Variants in TSNARE1 observed in about 807,000 individuals in gnomAD.
TSNARE1 encodes t-SNARE domain-containing protein 1.
In TSNARE1, 49 loss-of-function variants were observed where a neutral mutation model predicts 62.0. The ratio of observed to expected loss-of-function variants is 0.79; its 90% CI spans 0.63 to 1.00. The LOEUF is 1.00. Ranked by LOEUF, TSNARE1 falls within the 50% of genes least tolerant of loss-of-function variation. The pLI is 0.00. For synonymous variants in TSNARE1, 328 were observed against 294.4 expected (o/e 1.11, Z -1.17); for missense variants, 755 against 700.1 (o/e 1.08, Z -0.88).
chr8:142,252,675 T>C (rs2130298304), intron 12 of TSNARE1, among the ~76,000 whole-genome samples: 1 of 152,336 alleles, frequency 6.6e-6, no homozygotes, highest in South Asian at 2.1e-4. Flanking sequence ...CATTTATCCT[T>C]CCCTGGAAGT....
chr8:142,344,266 C>A lies in TSNARE1; in HGVS notation c.445G>T (p.Gly149Cys), dbSNP rs1833043565. ...KVSKHHQLLF[G>C]TGLLKAEPTR... Reference sequence around the variant, plus strand: ...GGCTCGGCCTTCAGCAGCCCCGTGCCAAACAGCAGCTGGTGGTGCTTGCTC... The same window carrying A: ...GGCTCGGCCTTCAGCAGCCCCGTGCAAAACAGCAGCTGGTGGTGCTTGCTC... The change falls in exon 4 of 14, where the codon GGC (glycine) becomes TGC (cysteine). Residue 149 changes from glycine to cysteine, a missense_variant. By Grantham distance (159) the Gly-to-Cys change is radical. Coordinates refer to ENST00000524325, the MANE Select transcript of TSNARE1 (RefSeq NM_145003.5). The A allele has an allele frequency of 6.2e-7, 1 of 1,607,310 alleles. No individual in the cohort carries two copies.
intron 12 of TSNARE1, chr8:142,269,701 G>A: frequency 1.6e-5 from 16 of 985,356 alleles, no homozygotes; most frequent in Non-Finnish European, 1.9e-5. Context: ...TGGTGGGACT[G>A]AGGTCATCTG....
chr8:142,298,425 G>A (rs1825128021), intron 10 of TSNARE1, among the ~76,000 whole-genome samples: 1 of 152,026 alleles, frequency 6.6e-6, no homozygotes, highest in South Asian at 2.1e-4. Context: ...CCGGGCACGA[G>A]CCCTCACCAG....
intron 12 of TSNARE1, among the ~76,000 whole-genome samples, chr8:142,268,798 T>A (rs976521344): frequency 1.3e-5 from 2 of 152,122 alleles, no homozygotes; most frequent in Non-Finnish European, 2.9e-5. Flanking sequence ...CCTGCAGCCA[T>A]CCTGGGCCAT....
intron 10 of TSNARE1, among the ~76,000 whole-genome samples, chr8:142,286,750 G>A (rs1483043108): frequency 6.6e-6 from 1 of 152,154 alleles, no homozygotes; most frequent in Non-Finnish European, 1.5e-5. Flanking sequence ...ACCTCCACGG[G>A]CTTCCCAGTT....
At chr8:142,246,851 C>T (rs1817907056) in intron 12 of TSNARE1, among the ~76,000 whole-genome samples, 1 of 152,238 alleles carries the variant, frequency 6.6e-6, no homozygotes, top group South Asian at 2.1e-4. Flanking sequence ...TTAGCACCTG[C>T]TACACATCAG....
At chr8:142,271,239 T>G in intron 12 of TSNARE1, 2 of 1,009,408 alleles carry the variant, frequency 2.0e-6, no homozygotes, top group Admixed American at 5.9e-5. Flanking sequence ...GCTTCCCGGG[T>G]AGGGCGTGCT....
chr8:142,252,053 A>G lies in TSNARE1; in HGVS notation c.1447-22474T>C, dbSNP rs1322677782. ...CATGTACCCGCCGCCCACGTTCTCT[A>G]TCTGCAGGGCCCGGGCACCATGTAC... On this transcript the variant is annotated intron_variant, in intron 12 of 13. Transcript: ENST00000524325. Among the ~76,000 whole-genome samples the G allele has an allele frequency of 1.2e-3, 80 of 69,304 alleles. 1 individual carries two copies. Among genetic ancestry groups the G allele is most frequent in the Middle Eastern group, 0.014 (1 of 74 alleles). 45.5% of individuals were successfully genotyped at this position (69,304 alleles called of 152,430 possible). A position where few individuals can be genotyped will look rare whatever the true frequency, so the allele number is the denominator to read the frequency against.
chr8:142,265,546 C>T (rs556824538), intron 12 of TSNARE1, among the ~76,000 whole-genome samples: 32 of 152,248 alleles, frequency 2.1e-4, no homozygotes, highest in African/African-American at 6.3e-4. Flanking sequence ...GATAAAGACA[C>T]GATGAACATC....
chr8:142,248,360 C>T (rs1203247265), intron 12 of TSNARE1, among the ~76,000 whole-genome samples: 2 of 152,338 alleles, frequency 1.3e-5, no homozygotes, highest in African/African-American at 2.4e-5. Flanking sequence ...CCAGGATGCC[C>T]GCACAGCTCC....
At chr8:142,292,827 C>T (rs1824027099) in intron 10 of TSNARE1, among the ~76,000 whole-genome samples, 1 of 152,134 alleles carries the variant, frequency 6.6e-6, no homozygotes, top group Admixed American at 6.5e-5. Context: ...CAGCCCTATC[C>T]CAGACCAACG....
chr8:142,316,259 G>C (rs948411673), intron 7 of TSNARE1, among the ~76,000 whole-genome samples: 1 of 151,750 alleles, frequency 6.6e-6, no homozygotes, highest in Non-Finnish European at 1.5e-5. Context: ...ATCACTGCCC[G>C]AGGGCACAGG....
intron 12 of TSNARE1, among the ~76,000 whole-genome samples, chr8:142,259,676 C>T (rs560992239): frequency 3.9e-5 from 6 of 152,316 alleles, no homozygotes; most frequent in South Asian, 2.1e-4. Flanking sequence ...AGGCCCACGT[C>T]CCCCACAAGC....
intron 9 of TSNARE1, 119 bp from the exon 10 acceptor site, chr8:142,300,763 G>GGACGATCTAGGTCTGAGGC: frequency 8.3e-7 from 1 of 1,212,112 alleles, no homozygotes; most frequent in Non-Finnish European, 1.1e-6. Flanking sequence ...CTCTCTGAGG[G>GGACGATCTAGGTCTGAGGC]GACGATCTGG....
At chr8:142,213,935 G>A (rs1204107632) in intron 13 of TSNARE1, among the ~76,000 whole-genome samples, 1 of 152,038 alleles carries the variant, frequency 6.6e-6, no homozygotes, top group African/African-American at 2.4e-5. Flanking sequence ...GGCACCCGGT[G>A]CTGTGGGGCT....
At position 142,300,796 on chromosome 8, in the gene TSNARE1, G is replaced by T. The variant is rs1361885967; in HGVS notation, c.1132-152C>A. 24 of 761,972 alleles carry T rather than the reference G, an allele frequency of 3.1e-5. No homozygotes were observed. The South Asian group carries it at 5.5e-4, about 17-fold the overall frequency. The allele number at this position is 761,972 out of a possible 1,614,324, so 47.2% of individuals were successfully genotyped here. A position where few individuals can be genotyped will look rare whatever the true frequency, so the allele number is the denominator to read the frequency against. Reference sequence around the variant, plus strand: ...TGGGTCTGAGGCGGGGGCCTTCTGCGGCCACGAGCCTGTCACTGGGCATCA... The same window carrying T: ...TGGGTCTGAGGCGGGGGCCTTCTGCTGCCACGAGCCTGTCACTGGGCATCA... On this transcript the variant is annotated intron_variant, in intron 9 of 13. Transcript: ENST00000524325.
chr8:142,339,874 T>C (rs1260680962), intron 4 of TSNARE1, among the ~76,000 whole-genome samples: 2 of 152,252 alleles, frequency 1.3e-5, no homozygotes, highest in Admixed American at 6.5e-5. Context: ...AGCCCTCCTC[T>C]GGACAGCTGC....
intron 2 of TSNARE1, 88 bp from the exon 3 acceptor site, chr8:142,345,980 C>T: frequency 6.7e-7 from 1 of 1,496,298 alleles, no homozygotes; most frequent in South Asian, 1.3e-5. Context: ...AGCAGACACC[C>T]AGGACCCGAG....
At chr8:142,271,751 G>T in intron 12 of TSNARE1, 1 of 1,238,562 alleles carries the variant, frequency 8.1e-7, no homozygotes, top group Non-Finnish European at 1.0e-6. Flanking sequence ...GATCTGGAGG[G>T]TGAGCAGGGT....
Sources: gnomAD v4.1 joint callset for allele counts (sites outside exome capture counted in the v4.1 genomes callset) on GRCh38, gnomAD v4.1.1 for gene constraint, MANE v1.5 for transcripts, NCBI Gene and HGNC (gene_info 2026-07-23, HGNC 2026-07-21) for gene names.